The following SLC5A8 variants were observed in gnomAD, a reference collection of about 807,000 sequenced individuals.
SLC5A8 encodes the protein sodium-coupled monocarboxylate transporter 1.
SLC5A8 carries 55 observed loss-of-function variants against 71.9 expected under a neutral mutation model. The ratio of observed to expected loss-of-function variants is 0.77; its 90% CI spans 0.62 to 0.96. The LOEUF (loss-of-function observed/expected upper bound fraction) is 0.96, where lower values mean the gene tolerates loss of function less well. Ranked by LOEUF, SLC5A8 falls within the 40% of genes least tolerant of loss-of-function variation. The pLI is 0.00. For synonymous variants in SLC5A8, 307 were observed against 276.1 expected, an observed-to-expected ratio of 1.11 and a Z score of -1.11; for missense variants, 701 against 745.3, an observed-to-expected ratio of 0.94 and a Z score of 0.69.
intron 10 of SLC5A8, among the ~76,000 whole-genome samples, chr12:101,172,065 A>G (rs1375453084): frequency 6.6e-6 from 1 of 152,138 alleles, no homozygotes; most frequent in Non-Finnish European, 1.5e-5. Flanking sequence ...GTGTGTGCTG[A>G]GGTGCTGTCA....
At chr12:101,187,304 A>G in intron 7 of SLC5A8, 82 bp downstream of exon 7, 2 of 1,425,916 alleles carry the variant, frequency 1.4e-6, no homozygotes, top group South Asian at 3.4e-5. Context: ...TTTCTCTACA[A>G]GAATATGAAT....
intron 10 of SLC5A8, among the ~76,000 whole-genome samples, chr12:101,179,008 T>C (rs1046725004): frequency 6.6e-6 from 1 of 152,110 alleles, no homozygotes; most frequent in Non-Finnish European, 1.5e-5. Context: ...CATTATGAGA[T>C]AATGTATGAA....
At chr12:101,209,405 A>G (rs763391284) in intron 1 of SLC5A8, 93 bp downstream of exon 1, 6 of 883,686 alleles carry the variant, frequency 6.8e-6, no homozygotes, top group Non-Finnish European at 1.0e-5. Context: ...TCGATGTGGC[A>G]GTGACAGTCT....
intron 7 of SLC5A8, among the ~76,000 whole-genome samples, chr12:101,186,145 C>T (rs373899216): frequency 1.5e-4 from 22 of 142,480 alleles, no homozygotes; most frequent in African/African-American, 3.1e-4. Flanking sequence ...TTTTTAAAGT[C>T]GTTATTGTCT....
Position 101,157,194 on chromosome 12 carries a change from A to G in SLC5A8, c.*85T>C. ...AACACTCATGATACAACACACACACACACACAAAGAAAACCTGATCCAATT... is the reference window on the plus strand; with the variant it reads ...AACACTCATGATACAACACACACACGCACACAAAGAAAACCTGATCCAATT... On this transcript the variant is annotated 3_prime_UTR_variant, in exon 15 of 15. Transcript: ENST00000536262. 1 of 1,529,502 alleles carries G rather than the reference A, an allele frequency of 6.5e-7. No individual in the cohort carries two copies. Among genetic ancestry groups the G allele is most frequent in the Non-Finnish European group, 8.9e-7 (1 of 1,127,758 alleles). The allele number at this position is 1,529,502 out of a possible 1,614,324, so 94.7% of individuals were successfully genotyped here.
chr12:101,199,670 T>C (rs1294727148), intron 3 of SLC5A8, among the ~76,000 whole-genome samples: 2 of 151,902 alleles, frequency 1.3e-5, no homozygotes, highest in African/African-American at 2.4e-5. Flanking sequence ...GGCAAGGATG[T>C]GGAATGACTA....
intron 5 of SLC5A8, 47 bp from the exon 6 acceptor site, chr12:101,190,655 T>C: frequency 6.6e-7 from 1 of 1,523,586 alleles, no homozygotes; most frequent in African/African-American, 1.4e-5. Context: ...TAGCAGAGAC[T>C]AAAAAAAATT....
At chr12:101,165,191 T>A (rs1028482772) in intron 12 of SLC5A8, among the ~76,000 whole-genome samples, 4 of 152,202 alleles carry the variant, frequency 2.6e-5, no homozygotes, top group Non-Finnish European at 4.4e-5. Flanking sequence ...AATTCTTGTT[T>A]ATTAGCTGAA....
In SLC5A8 at chr12:101,193,680, C is replaced by T. The variant is rs764911898; in HGVS notation, c.637G>A (p.Gly213Arg). The change falls in exon 5 of 15, where the codon GGA becomes AGA. Residue 213 changes from glycine (G) to arginine (R), a missense_variant. By Grantham distance (125) the Gly-to-Arg change is moderately radical. Coordinates refer to ENST00000536262, the MANE Select transcript of SLC5A8 (RefSeq NM_145913.5). The stretch of plus-strand genomic sequence containing the variant: ...GCATCATTTAAAATAGTGCTGATTC[C>T]ACCTTGCATCACCACAGCCTGTATA... ...VIIQAVVMQG[G>R]ISTILNDAYD... 4 of 1,614,106 alleles carry T rather than the reference C, an allele frequency of 2.5e-6. No homozygotes were observed. The highest frequency in any genetic ancestry group is 3.4e-6 in the Non-Finnish European group (4 of 1,180,008).
At position 101,209,707 on chromosome 12, in the gene SLC5A8, C is replaced by G. The variant is rs1385974770; in HGVS notation, c.142G>C (p.Gly48Arg). The G allele has an allele frequency of 6.2e-7, 1 of 1,613,262 alleles. No individual in the cohort carries two copies. The highest frequency in any genetic ancestry group is 8.5e-7 in the Non-Finnish European group (1 of 1,180,026). ...GQQTSKDFLM[G>R]GRRMTAVPVA... The stretch of plus-strand genomic sequence containing the variant: ...GGCACTGCGGTCATTCTGCGGCCGC[C>G]CATCAGGAAGTCCTTGGAGGTCTGC... Residue 48 changes from glycine to arginine, a missense_variant, in exon 1 of 15, where the codon GGC becomes CGC. By Grantham distance (125) the Gly-to-Arg change is moderately radical. Transcript: ENST00000536262.
chr12:101,204,516 A>C lies in SLC5A8; in HGVS notation c.401T>G (p.Leu134Arg). 6.3e-7 allele frequency: 1 copy of C among 1,597,324 alleles called. No individual in the cohort carries two copies. The highest frequency in any genetic ancestry group is 1.4e-5 in the African/African-American group (1 of 73,890). The change falls in exon 2 of 15, where the codon CTC becomes CGC. Residue 134 changes from leucine to arginine, a missense_variant. Leu to Arg is a moderately radical substitution (Grantham distance 102, BLOSUM62 -2). Transcript: ENST00000536262. ...GCTACTTACTGTTTGAACAATGAAG[A>C]GGACTGTTCCACAGAGACGAACACA... The part of the protein sequence containing the change: ...NKCVRLCGTV[L>R]FIVQTILYTG...
At chr12:101,174,643 C>G (rs1379022990) in intron 10 of SLC5A8, among the ~76,000 whole-genome samples, 1 of 152,072 alleles carries the variant, frequency 6.6e-6, no homozygotes, top group Non-Finnish European at 1.5e-5. Context: ...GTTGTAAATT[C>G]CTACATGACA....
At position 101,210,070 on chromosome 12, in the gene SLC5A8, C is replaced by T. The variant is rs569838380; in HGVS notation, c.-222G>A. The T allele has an allele frequency of 2.1e-6, 1 of 484,868 alleles. No homozygotes were observed. The highest frequency in any genetic ancestry group is 4.0e-5 in the Admixed American group (1 of 24,708). The allele number at this position is 484,868 out of a possible 1,614,324, so 30.0% of individuals were successfully genotyped here. A position where few individuals can be genotyped will look rare whatever the true frequency, so the allele number is the denominator to read the frequency against. On this transcript the variant is annotated 5_prime_UTR_variant, in exon 1 of 15. Transcript: ENST00000536262. ...CGCTGCGAGCCGCGCCCCTCAAACC[C>T]AGGTATGGGACCTCGGAAAATCGAC... is the stretch of plus-strand genomic sequence containing the variant.
chr12:101,166,359 G>T, intron 12 of SLC5A8, 135 bp downstream of exon 12: 1 of 655,144 alleles, frequency 1.5e-6, no homozygotes, highest in Non-Finnish European at 2.5e-6. Context: ...AAATACTATA[G>T]CTAACCACAT....
chr12:101,167,555 G>T (rs1470761829), intron 11 of SLC5A8, among the ~76,000 whole-genome samples: 1 of 152,194 alleles, frequency 6.6e-6, no homozygotes. Context: ...GCACAGATAT[G>T]TCTAGGTAGA....
rs12813040 is a variant in SLC5A8 at position 101,171,439 on chromosome 12, A to T, written c.1234-3257T>A. On this transcript the variant is annotated intron_variant, in intron 10 of 14. Coordinates refer to ENST00000536262, the MANE Select transcript of SLC5A8 (RefSeq NM_145913.5). ...GACCCTGAGGGGGTCAATAATTGAGAGGCTGCCCAAGTTTGAAAGTGCGCT... is the reference window on the plus strand; with the variant it reads ...GACCCTGAGGGGGTCAATAATTGAGTGGCTGCCCAAGTTTGAAAGTGCGCT... Among the ~76,000 whole-genome samples, 1,515 of 152,266 alleles carry T rather than the reference A, an allele frequency of 9.9e-3. 6 individuals are homozygous for T. The highest frequency in any genetic ancestry group is 0.017 in the Non-Finnish European group (1,131 of 68,022).
intron 10 of SLC5A8, among the ~76,000 whole-genome samples, chr12:101,170,684 C>A (rs1423594191): frequency 6.6e-6 from 1 of 152,152 alleles, no homozygotes; most frequent in Non-Finnish European, 1.5e-5. Context: ...ATCCGAACAC[C>A]ACAGAATAAT....
At chr12:101,171,937 G>T (rs2051833481) in intron 10 of SLC5A8, among the ~76,000 whole-genome samples, 1 of 152,220 alleles carries the variant, frequency 6.6e-6, no homozygotes, top group Non-Finnish European at 1.5e-5. Flanking sequence ...GGTGAAAGGA[G>T]TTGAATGGAC....
At chr12:101,199,775 C>G (rs1043789070) in intron 3 of SLC5A8, among the ~76,000 whole-genome samples, 1 of 151,622 alleles carries the variant, frequency 6.6e-6, no homozygotes, top group African/African-American at 2.4e-5. Flanking sequence ...ACATTTCTAT[C>G]CTCAGCTGGG....
Sources: allele counts gnomAD v4.1 joint callset (sites outside exome capture counted in the v4.1 genomes callset), GRCh38; gene constraint gnomAD v4.1.1; transcripts MANE v1.5; gene names NCBI Gene and HGNC (gene_info 2026-07-23, HGNC 2026-07-21).